HIBCH: variants seen among roughly 807,000 people sequenced by gnomAD.
The protein encoded by HIBCH is 3-hydroxyisobutyryl-CoA hydrolase.
Under a neutral mutation model 58.2 loss-of-function variants are expected in HIBCH, and 50 were observed. The ratio of observed to expected loss-of-function variants is 0.86; its 90% CI spans 0.68 to 1.09. HIBCH has a LOEUF of 1.09. HIBCH is among the 50% of genes least tolerant of loss of function. HIBCH has a pLI of 0.00. For missense variants in HIBCH, 450 were observed against 449.7 expected (o/e 1.00, Z -0.01); for synonymous variants, 151 against 146.9 (o/e 1.03, Z -0.20).
chr2:190,319,598 C>A (rs1488193898), intron 1 of HIBCH, 118 bp downstream of exon 1: 9 of 847,374 alleles, frequency 1.1e-5, no homozygotes, highest in East Asian at 7.9e-5. Flanking sequence ...GGTCTCACAG[C>A]GGCGCCTCTG....
At chr2:190,284,857 T>A (rs1201651536) in intron 6 of HIBCH, among the ~76,000 whole-genome samples, 1 of 152,180 alleles carries the variant, frequency 6.6e-6, no homozygotes, top group Admixed American at 6.5e-5. Flanking sequence ...TAATTATACA[T>A]ATCTGAGTTT....
intron 6 of HIBCH, among the ~76,000 whole-genome samples, chr2:190,261,996 G>T (rs1687099062): frequency 6.6e-6 from 1 of 152,090 alleles, no homozygotes; most frequent in Non-Finnish European, 1.5e-5. Flanking sequence ...GAGCAAAGAG[G>T]CAGGGGTGAA....
intron 5 of HIBCH, 90 bp downstream of exon 5, chr2:190,290,315 G>A (rs1687927599): frequency 1.2e-6 from 1 of 858,176 alleles, no homozygotes; most frequent in African/African-American, 1.7e-5. Flanking sequence ...TTTAAGTAAG[G>A]ATGCCTATTG....
intron 5 of HIBCH, among the ~76,000 whole-genome samples, chr2:190,289,793 G>T (rs1017227285): frequency 2.0e-5 from 3 of 152,056 alleles, no homozygotes; most frequent in African/African-American, 4.8e-5. Context: ...ATTAGGAAAT[G>T]ATACTATACT....
At chr2:190,245,965 G>A (rs985254965) in intron 10 of HIBCH, among the ~76,000 whole-genome samples, 189 bp downstream of exon 10, 1 of 150,782 alleles carries the variant, frequency 6.6e-6, no homozygotes, top group African/African-American at 2.4e-5. Flanking sequence ...ACTCCAGCCT[G>A]GGGGATAGAG....
At chr2:190,240,697 T>G (rs1277060848) in intron 11 of HIBCH, among the ~76,000 whole-genome samples, 3 of 152,186 alleles carry the variant, frequency 2.0e-5, no homozygotes, top group Non-Finnish European at 2.9e-5. Context: ...TTGTTCTCAT[T>G]GGTTTCAAAT....
At position 190,217,644 on chromosome 2, in the gene HIBCH, A is replaced by C. The variant is rs1197420453; in HGVS notation, c.892-4569T>G. On this transcript the variant is annotated intron_variant, in intron 11 of 13. Coordinates refer to ENST00000359678, the MANE Select transcript of HIBCH (RefSeq NM_014362.4). This position sits in a 1 kb window ranked among gnomAD's most constrained non-coding sequence, Gnocchi z 4.6. ...CATCCCTTAGGTTAAAAAAACTTCT[A>C]ACTCGAACCCTGCCTCTTGAGTTCA... 1.3e-5 allele frequency among the ~76,000 whole-genome samples: 2 copies of C among 152,142 alleles called. No homozygotes were observed. Among genetic ancestry groups the C allele is most frequent in the Non-Finnish European group, 2.9e-5 (2 of 68,022 alleles).
chr2:190,248,790 G>A (rs569898411), intron 9 of HIBCH, among the ~76,000 whole-genome samples: 12 of 151,910 alleles, frequency 7.9e-5, no homozygotes, highest in Non-Finnish European at 1.5e-4. Context: ...GAACCTGGAA[G>A]GCAGAGGTTG....
chr2:190,218,350 A>T (rs2105907038), intron 11 of HIBCH, among the ~76,000 whole-genome samples: 1 of 152,282 alleles, frequency 6.6e-6, no homozygotes, highest in African/African-American at 2.4e-5. Context: ...GTAAAAATTT[A>T]AAATGCAATC....
intron 11 of HIBCH, among the ~76,000 whole-genome samples, chr2:190,228,563 G>C (rs908325233): frequency 1.3e-5 from 2 of 151,814 alleles, no homozygotes; most frequent in African/African-American, 2.4e-5. Context: ...AAAAAAGAGA[G>C]AGAGAGAACA....
At chr2:190,301,482 G>A (rs1054851299) in intron 2 of HIBCH, among the ~76,000 whole-genome samples, 4 of 152,180 alleles carry the variant, frequency 2.6e-5, no homozygotes, top group East Asian at 1.9e-4. Context: ...AGGAGGGAGA[G>A]GGAGTTGGGG....
At chr2:190,192,836 T>C (rs1055139895) in intron 1 of HIBCH, among the ~76,000 whole-genome samples, 19 of 152,204 alleles carry the variant, frequency 1.2e-4, no homozygotes, top group African/African-American at 4.6e-4. Context: ...TTGTAGAAAT[T>C]ACTTTTTATA....
At chr2:190,255,074 T>C (rs975604541) in intron 7 of HIBCH, among the ~76,000 whole-genome samples, 4 of 152,246 alleles carry the variant, frequency 2.6e-5, no homozygotes, top group Non-Finnish European at 5.9e-5. Context: ...TCTACTCTGC[T>C]ACCCCTACAA....
At position 190,215,998 on chromosome 2, in the gene HIBCH, C is replaced by T. The variant is rs1202708437; in HGVS notation, c.892-2923G>A. ...AACTGAGTTTGAGGGAAAAAGGAAA[C>T]AGGGGATGACAGAAAGAGAAATAAA... On this transcript the variant is annotated intron_variant, in intron 11 of 13. Transcript: ENST00000359678. This position sits in a 1 kb window ranked among gnomAD's most constrained non-coding sequence, Gnocchi z 4.4. 1 of 152,358 alleles carries T rather than the reference C, an allele frequency of 6.6e-6. No homozygotes were observed. Among genetic ancestry groups the T allele is most frequent in the East Asian group, 1.9e-4 (1 of 5,210 alleles). The allele number at this position is 152,358 out of a possible 1,614,324, so 9.4% of individuals were successfully genotyped here.
At chr2:190,269,212 C>T (rs1175915443) in intron 6 of HIBCH, among the ~76,000 whole-genome samples, 1 of 152,160 alleles carries the variant, frequency 6.6e-6, no homozygotes, top group Non-Finnish European at 1.5e-5. Context: ...GCAATGCCAA[C>T]AAAAGCCAAA....
chr2:190,257,182 G>A (rs1037124697), intron 7 of HIBCH, among the ~76,000 whole-genome samples: 1 of 152,066 alleles, frequency 6.6e-6, no homozygotes, highest in Admixed American at 6.6e-5. Flanking sequence ...CTTAAGAGCA[G>A]CCAAAGAAAA....
intron 6 of HIBCH, among the ~76,000 whole-genome samples, chr2:190,270,193 C>T (rs891082719): frequency 3.3e-5 from 5 of 151,122 alleles, no homozygotes; most frequent in Middle Eastern, 3.4e-3. Flanking sequence ...GCACGTTCTG[C>T]ACATGTATCC....
At chr2:190,242,588 C>T (rs755263849) in intron 11 of HIBCH, among the ~76,000 whole-genome samples, 3 of 152,014 alleles carry the variant, frequency 2.0e-5, no homozygotes, top group Non-Finnish European at 4.4e-5. Flanking sequence ...ATGCTGATGG[C>T]CTCTGAATGG....
intron 7 of HIBCH, among the ~76,000 whole-genome samples, chr2:190,257,923 G>T (rs960952826): frequency 8.5e-5 from 13 of 152,136 alleles, no homozygotes; most frequent in African/African-American, 2.9e-4. Context: ...TCCAACACGT[G>T]AACTTCAGGC....
Sources: allele counts gnomAD v4.1 joint callset (sites outside exome capture counted in the v4.1 genomes callset), GRCh38; gene constraint gnomAD v4.1.1; non-coding constraint Gnocchi (gnomAD v3.1); transcripts MANE v1.5; gene names NCBI Gene and HGNC (gene_info 2026-07-23, HGNC 2026-07-21).